GABRA2: variants seen among roughly 807,000 people sequenced by gnomAD.
The protein encoded by GABRA2 is gamma-aminobutyric acid type A receptor subunit alpha2, also known as gamma-aminobutyric acid receptor subunit alpha-2.
Under a neutral mutation model 48.7 loss-of-function variants are expected in GABRA2, and 16 were observed. That is an observed-to-expected ratio of 0.33 (90% CI 0.22 to 0.50). The LOEUF (loss-of-function observed/expected upper bound fraction) is 0.50, where lower values mean the gene tolerates loss of function less well. Ranked by LOEUF, GABRA2 falls within the 20% of genes least tolerant of loss-of-function variation. The pLI is 0.98. For synonymous variants in GABRA2, 185 were observed against 184.5 expected (o/e 1.00, Z -0.02); for missense variants, 275 against 535.6 (o/e 0.51, Z 4.80).
At chr4:46,284,308 C>T (rs1722113611) in intron 8 of GABRA2, among the ~76,000 whole-genome samples, 1 of 152,124 alleles carries the variant, frequency 6.6e-6, no homozygotes, top group Admixed American at 6.5e-5. Flanking sequence ...GGTTTGTATA[C>T]TGTTAATGCA....
At chr4:46,369,946 A>C (rs1714629443) in intron 3 of GABRA2, among the ~76,000 whole-genome samples, 1 of 152,164 alleles carries the variant, frequency 6.6e-6, no homozygotes, top group Admixed American at 6.5e-5. Flanking sequence ...GCAATAGTCT[A>C]CATAATGACT....
rs1713455961 is a variant in GABRA2 at position 46,245,032 on chromosome 4, T to G, written c.*5276A>C. On this transcript the variant is annotated 3_prime_UTR_variant, in exon 10 of 10. Transcript: ENST00000381620. ...GGTTTTTGGTTTTTTTGTTGTTTTT[T>G]GTTTTTTTGTTTGTTTGTTTCGTTT... Among the ~76,000 whole-genome samples the G allele has an allele frequency of 6.6e-6, 1 of 151,384 alleles. No individual in the cohort carries two copies.
chr4:46,278,402 A>G (rs16859279), intron 8 of GABRA2, among the ~76,000 whole-genome samples: 13,198 of 152,152 alleles, frequency 0.087, 1,903 homozygotes, highest in African/African-American at 0.3. Flanking sequence ...AGTATAACTT[A>G]CTCAAGCTAA....
At chr4:46,356,706 G>T (rs2109935616) in intron 3 of GABRA2, among the ~76,000 whole-genome samples, 1 of 152,244 alleles carries the variant, frequency 6.6e-6, no homozygotes, top group South Asian at 2.1e-4. Flanking sequence ...GAATGAACAA[G>T]ACATAACTGC....
intron 8 of GABRA2, among the ~76,000 whole-genome samples, chr4:46,297,934 T>A (rs1190755380): frequency 6.6e-6 from 1 of 152,134 alleles, no homozygotes; most frequent in Non-Finnish European, 1.5e-5. Flanking sequence ...TGGTGTGTTT[T>A]CATTTTAATT....
intron 2 of GABRA2, among the ~76,000 whole-genome samples, chr4:46,386,402 G>A (rs746403269): frequency 1.3e-5 from 2 of 152,028 alleles, no homozygotes; most frequent in African/African-American, 2.4e-5. Context: ...ATTATCAGAA[G>A]TTTGATGTTA....
At chr4:46,320,677 G>C (rs763261844) in intron 4 of GABRA2, among the ~76,000 whole-genome samples, 1 of 151,732 alleles carries the variant, frequency 6.6e-6, no homozygotes, top group Non-Finnish European at 1.5e-5. Context: ...AATCATCAAA[G>C]AATTACAAAT....
At chr4:46,295,506 G>A (rs1288135926) in intron 8 of GABRA2, among the ~76,000 whole-genome samples, 1 of 152,350 alleles carries the variant, frequency 6.6e-6, no homozygotes, top group Admixed American at 6.5e-5. Flanking sequence ...TGATGATCTT[G>A]TCTATGGACA....
At chr4:46,352,600 A>G (rs1467951979) in intron 3 of GABRA2, among the ~76,000 whole-genome samples, 1 of 152,064 alleles carries the variant, frequency 6.6e-6, no homozygotes, top group Non-Finnish European at 1.5e-5. Flanking sequence ...CAACACATAA[A>G]GAGAATAACG....
chr4:46,296,273 C>A (rs1479017408), intron 8 of GABRA2, among the ~76,000 whole-genome samples: 1 of 152,148 alleles, frequency 6.6e-6, no homozygotes, highest in East Asian at 1.9e-4. Flanking sequence ...TTTTTGCTTC[C>A]TGTTCCCGTG....
chr4:46,357,341 C>A (rs541924357), intron 3 of GABRA2, among the ~76,000 whole-genome samples: 1 of 149,472 alleles, frequency 6.7e-6, no homozygotes, highest in South Asian at 2.2e-4. Context: ...AAAAAAGGGT[C>A]TTATTATAGG....
intron 3 of GABRA2, among the ~76,000 whole-genome samples, chr4:46,377,151 C>T (rs966527079): frequency 2.0e-5 from 3 of 151,950 alleles, no homozygotes; most frequent in Admixed American, 6.6e-5. Context: ...TCTGCCCGGC[C>T]GCCACCCCGT....
chr4:46,341,134 T>C (rs1733151061), intron 3 of GABRA2, among the ~76,000 whole-genome samples: 1 of 152,028 alleles, frequency 6.6e-6, no homozygotes, highest in Non-Finnish European at 1.5e-5. Context: ...ATATTGTTTT[T>C]ATACTTTCCT....
In GABRA2 at chr4:46,250,547, T is replaced by G. The variant is rs757504100; in HGVS notation, c.1117A>C (p.Asn373His). The change falls in exon 10 of 10, where the codon AAT becomes CAT. Residue 373 changes from asparagine to histidine, a missense_variant. By Grantham distance (68) the Asn-to-His change is moderately conservative. This residue lies in a region of GABRA2 where 99 missense variants were observed against 124.3 expected (regional missense o/e 0.80). Transcript: ENST00000381620. ...QNNAYAVAVA[N>H]YAPNLSKDPV... ...TCTTTTGAAAGATTCGGGGCATAAT[T>G]GGCAACAGCCACTGCATAAGCGTTG... The G allele has an allele frequency of 6.2e-7, 1 of 1,611,650 alleles. No homozygotes were observed. The highest frequency in any genetic ancestry group is 8.5e-7 in the Non-Finnish European group (1 of 1,178,484).
At chr4:46,285,768 T>G (rs1332790039) in intron 8 of GABRA2, among the ~76,000 whole-genome samples, 1 of 150,740 alleles carries the variant, frequency 6.6e-6, no homozygotes, top group Non-Finnish European at 1.5e-5. Flanking sequence ...TGAAATCTTG[T>G]TTTTTTTTAA....
At chr4:46,378,260 G>T (rs1274250723) in intron 3 of GABRA2, among the ~76,000 whole-genome samples, 1 of 152,318 alleles carries the variant, frequency 6.6e-6, no homozygotes, top group East Asian at 1.9e-4. Context: ...GATGGTTGCC[G>T]TGTCTGTGTA....
rs1287026594 is a variant in GABRA2 at position 46,249,205 on chromosome 4, C to G, written c.*1103G>C. Reference sequence around the variant, plus strand: ...CAGCGAAATTTAAAGTTGCAATTTACAAAAGCAGATTTACATTAATTCTTA... The same window carrying G: ...CAGCGAAATTTAAAGTTGCAATTTAGAAAAGCAGATTTACATTAATTCTTA... On this transcript the variant is annotated 3_prime_UTR_variant, in exon 10 of 10. Transcript: ENST00000381620. 2.0e-5 allele frequency: 3 copies of G among 151,402 alleles called. No individual in the cohort carries two copies. The highest frequency in any genetic ancestry group is 6.6e-5 in the Admixed American group (1 of 15,116). The allele number at this position is 151,402 out of a possible 1,614,324, so 9.4% of individuals were successfully genotyped here.
At chr4:46,320,312 GT>G (rs1438292058) in intron 4 of GABRA2, among the ~76,000 whole-genome samples, 1 of 151,778 alleles carries the variant, frequency 6.6e-6, no homozygotes, top group Non-Finnish European at 1.5e-5. Flanking sequence ...AGACCTAAAG[GT>G]AAGACCTGAA....
intron 8 of GABRA2, among the ~76,000 whole-genome samples, chr4:46,290,539 G>T (rs1723433207): frequency 1.3e-5 from 2 of 151,994 alleles, no homozygotes; most frequent in African/African-American, 4.8e-5. Context: ...TATTATAAAT[G>T]ATATTATTTT....
Sources: allele counts gnomAD v4.1 joint callset (sites outside exome capture counted in the v4.1 genomes callset), GRCh38; gene constraint gnomAD v4.1.1; regional missense constraint gnomAD v4.1.1; transcripts MANE v1.5; gene names NCBI Gene and HGNC (gene_info 2026-07-23, HGNC 2026-07-21).